The following PALM2AKAP2 variants were observed in gnomAD, a reference collection of about 807,000 sequenced individuals.
PALM2AKAP2 encodes the protein PALM2 and AKAP2 fusion.
A neutral mutation model predicts 71.5 loss-of-function variants in PALM2AKAP2; 37 were observed. The ratio of observed to expected loss-of-function variants is 0.52; its 90% confidence interval spans 0.40 to 0.68. PALM2AKAP2 has a LOEUF of 0.68. Among genes scored for constraint, PALM2AKAP2 ranks in the 30% least tolerant of loss-of-function variants. The pLI is 0.00. For synonymous variants in PALM2AKAP2, 468 were observed against 478.8 expected, an observed-to-expected ratio of 0.98 and a Z score of 0.29; for missense variants, 1,224 against 1,191.8, an observed-to-expected ratio of 1.03 and a Z score of -0.40.
At position 109,859,348 on chromosome 9, in the gene PALM2AKAP2, C is replaced by T. The variant is rs1393979614; in HGVS notation, c.46-8143C>T. Among the ~76,000 whole-genome samples, 5 of 152,214 alleles carry T rather than the reference C, an allele frequency of 3.3e-5. No homozygotes were observed. The East Asian group carries it at 9.6e-4, about 29-fold the overall frequency. On this transcript the variant is annotated intron_variant, in intron 1 of 9. Transcript: ENST00000302798. ...TACAGTTAGGTAGAAGGAATAAGAT[C>T]TAAGGTTGGATAGCACAGTAAGGTG...
intron 1 of PALM2AKAP2, among the ~76,000 whole-genome samples, chr9:109,673,303 G>T (rs1417065710): frequency 6.6e-6 from 1 of 152,030 alleles, no homozygotes; most frequent in African/African-American, 2.4e-5. Context: ...CTGGCATGTT[G>T]TATCTTTGTT....
intron 1 of PALM2AKAP2, among the ~76,000 whole-genome samples, chr9:109,728,063 T>G (rs1464804454): frequency 6.6e-6 from 1 of 152,214 alleles, no homozygotes; most frequent in Non-Finnish European, 1.5e-5. Context: ...ACAGTTTCTA[T>G]TACCAGATTA....
chr9:109,836,092 C>G (rs1828467630), intron 1 of PALM2AKAP2, among the ~76,000 whole-genome samples: 1 of 152,184 alleles, frequency 6.6e-6, no homozygotes, highest in South Asian at 2.1e-4. Flanking sequence ...TCAAGTGGGT[C>G]CCTGATCCCC....
intron 7 of PALM2AKAP2, among the ~76,000 whole-genome samples, chr9:110,023,155 C>A (rs910711850): frequency 2.0e-5 from 3 of 151,492 alleles, no homozygotes; most frequent in African/African-American, 7.3e-5. Context: ...AATCGCCACA[C>A]TGACTTCCAC....
intron 6 of PALM2AKAP2, among the ~76,000 whole-genome samples, chr9:109,956,235 C>T (rs1244940792): frequency 1.3e-5 from 2 of 152,058 alleles, no homozygotes; most frequent in South Asian, 2.1e-4. Flanking sequence ...AAACTTCTGA[C>T]CTCAGGTGAT....
chr9:109,842,707 C>G (rs542996257), intron 1 of PALM2AKAP2, among the ~76,000 whole-genome samples: 2 of 152,012 alleles, frequency 1.3e-5, no homozygotes, highest in Non-Finnish European at 2.9e-5. Flanking sequence ...GACAAGAAGT[C>G]GGCCCAAGAA....
chr9:109,735,432 A>G (rs1431785970), intron 1 of PALM2AKAP2, among the ~76,000 whole-genome samples: 1 of 151,966 alleles, frequency 6.6e-6, no homozygotes, highest in Middle Eastern at 3.2e-3. Flanking sequence ...TCTGGGTTAA[A>G]GGCAGTTTCA....
upstream of PALM2AKAP2, chr9:110,048,593 T>G (rs1833642994): frequency 8.6e-7 from 1 of 1,161,752 alleles, no homozygotes; most frequent in Non-Finnish European, 1.1e-6. Context: ...CCGTGGGCGC[T>G]GGGCTACTGG....
intron 1 of PALM2AKAP2, among the ~76,000 whole-genome samples, chr9:109,741,726 A>G (rs1001104467): frequency 1.3e-5 from 2 of 152,366 alleles, no homozygotes; most frequent in African/African-American, 4.8e-5. Flanking sequence ...TTTCTCGTAG[A>G]AACATTATAG....
intron 6 of PALM2AKAP2, among the ~76,000 whole-genome samples, chr9:109,970,336 G>A (rs1354183408): frequency 1.3e-5 from 2 of 152,074 alleles, no homozygotes; most frequent in Admixed American, 6.5e-5. Context: ...CACTCACTTG[G>A]TCACCGATCA....
chr9:110,152,035 G>A (rs1348440300), intron 2 of PALM2AKAP2, among the ~76,000 whole-genome samples: 1 of 152,154 alleles, frequency 6.6e-6, no homozygotes, highest in Non-Finnish European at 1.5e-5. Flanking sequence ...TCAGGAGTTC[G>A]AGACCAGCCT....
chr9:110,072,931 C>G (rs927223413), intron 1 of PALM2AKAP2, among the ~76,000 whole-genome samples: 3 of 152,122 alleles, frequency 2.0e-5, no homozygotes, highest in Non-Finnish European at 4.4e-5. Context: ...CATTTTGATT[C>G]TCTAAAGAGA....
chr9:109,648,057 G>C (rs1438154024), intron 1 of PALM2AKAP2, among the ~76,000 whole-genome samples: 1 of 152,176 alleles, frequency 6.6e-6, no homozygotes, highest in East Asian at 1.9e-4. Flanking sequence ...CCCCCATGCT[G>C]TTCTCATGAT....
At chr9:109,804,101 G>T (rs1353507357) in intron 1 of PALM2AKAP2, among the ~76,000 whole-genome samples, 1 of 152,188 alleles carries the variant, frequency 6.6e-6, no homozygotes, top group Non-Finnish European at 1.5e-5. Flanking sequence ...AGGGCTTCAG[G>T]TTCAGGATGC....
intron 1 of PALM2AKAP2, among the ~76,000 whole-genome samples, chr9:109,676,519 T>C (rs1259383939): frequency 6.6e-6 from 1 of 152,194 alleles, no homozygotes; most frequent in African/African-American, 2.4e-5. Context: ...CGTTGAGACT[T>C]TTCATATAGA....
intron 1 of PALM2AKAP2, among the ~76,000 whole-genome samples, chr9:109,860,109 G>C (rs982699119): frequency 2.0e-5 from 3 of 152,214 alleles, no homozygotes; most frequent in Admixed American, 1.3e-4. Flanking sequence ...TGAGATAACT[G>C]ATCTCGAACA....
chr9:109,724,713 T>C (rs922808307), intron 1 of PALM2AKAP2, among the ~76,000 whole-genome samples: 3 of 152,230 alleles, frequency 2.0e-5, no homozygotes, highest in Non-Finnish European at 4.4e-5. Context: ...CCCCATTTTA[T>C]ATATGACAAA....
intron 1 of PALM2AKAP2, among the ~76,000 whole-genome samples, chr9:110,135,164 A>AAAATATATATATATAT: frequency 1.9e-5 from 1 of 51,732 alleles, no homozygotes; most frequent in East Asian, 1.3e-3. Flanking sequence ...AAAAAAAAAA[A>AAAATATATATATATAT]ATATATAAAT....
intron 6 of PALM2AKAP2, among the ~76,000 whole-genome samples, chr9:109,977,064 C>T (rs995294): frequency 0.33 from 50,643 of 151,870 alleles, 9,761 homozygotes; most frequent in Non-Finnish European, 0.44. Flanking sequence ...TTCTAGGCCA[C>T]CTTAGAATCA....
Sources: allele counts gnomAD v4.1 joint callset (sites outside exome capture counted in the v4.1 genomes callset), GRCh38; gene constraint gnomAD v4.1.1; transcripts MANE v1.5; gene names NCBI Gene and HGNC (gene_info 2026-07-23, HGNC 2026-07-21).